Variants in MBOAT2 observed in about 807,000 individuals in gnomAD.
The protein encoded by MBOAT2 is membrane-bound glycerophospholipid O-acyltransferase 2.
In MBOAT2, 28 loss-of-function variants were observed where a neutral mutation model predicts 63.4. The ratio of observed to expected loss-of-function variants is 0.44; its 90% CI spans 0.33 to 0.61. The LOEUF is 0.61. Ranked by LOEUF, MBOAT2 falls within the 20% of genes least tolerant of loss-of-function variation. The pLI is 0.03. For synonymous variants in MBOAT2, 211 were observed against 215.6 expected (o/e 0.98, Z 0.19); for missense variants, 470 against 605.8 (o/e 0.78, Z 2.35).
chr2:8,913,465 G>T (rs760772857), intron 3 of MBOAT2, among the ~76,000 whole-genome samples: 1 of 150,162 alleles, frequency 6.7e-6, no homozygotes, highest in Non-Finnish European at 1.5e-5. Context: ...AATCTACAAC[G>T]AACTCAATCA....
chr2:8,868,972 T>C (rs1662108469), intron 8 of MBOAT2, among the ~76,000 whole-genome samples: 1 of 152,310 alleles, frequency 6.6e-6, no homozygotes, highest in South Asian at 2.1e-4. Context: ...AACAATAATA[T>C]ATAAGTGAGG....
chr2:8,869,547 C>T (rs916027352), intron 8 of MBOAT2, among the ~76,000 whole-genome samples: 5 of 152,142 alleles, frequency 3.3e-5, no homozygotes, highest in African/African-American at 7.2e-5. Context: ...TATACCTATA[C>T]AGACATGTAT....
chr2:8,938,742 T>C (rs1488129988), intron 3 of MBOAT2, among the ~76,000 whole-genome samples: 1 of 151,748 alleles, frequency 6.6e-6, no homozygotes, highest in African/African-American at 2.4e-5. Flanking sequence ...CGTTGTCTCA[T>C]GCCGCCACAT....
chr2:8,883,415 T>G (rs773689716), intron 5 of MBOAT2, among the ~76,000 whole-genome samples: 2 of 152,300 alleles, frequency 1.3e-5, no homozygotes, highest in East Asian at 1.9e-4. Context: ...ATTACAAGTA[T>G]GCAGAAATTT....
chr2:8,947,292 C>T (rs1005106691), intron 2 of MBOAT2, among the ~76,000 whole-genome samples: 1 of 152,156 alleles, frequency 6.6e-6, no homozygotes, highest in Non-Finnish European at 1.5e-5. Context: ...CAGACACTGG[C>T]TCATGATGTT....
At chr2:8,985,609 T>C (rs1164927728) in intron 1 of MBOAT2, among the ~76,000 whole-genome samples, 2 of 152,210 alleles carry the variant, frequency 1.3e-5, no homozygotes, top group Non-Finnish European at 1.5e-5. Context: ...CTGCCCTAGC[T>C]GCTTAGGCCA....
chr2:8,969,425 T>C (rs1217854107), intron 1 of MBOAT2, among the ~76,000 whole-genome samples: 1 of 152,122 alleles, frequency 6.6e-6, no homozygotes, highest in Non-Finnish European at 1.5e-5. Context: ...ACATGCCAAA[T>C]TGTAAAGACC....
Position 8,862,678 on chromosome 2 carries a change from A to G in MBOAT2, c.1097T>C (p.Phe366Ser). The G allele has an allele frequency of 6.2e-7, 1 of 1,614,206 alleles. No homozygotes were observed. Among genetic ancestry groups the G allele is most frequent in the Non-Finnish European group, 8.5e-7 (1 of 1,180,012 alleles). Reference sequence around the variant, plus strand: ...CCCGTGCCAAATGGCAGAGAGAATGAACGTCTGGATAGTTGGACTGAAGGA... The same window carrying G: ...CCCGTGCCAAATGGCAGAGAGAATGGACGTCTGGATAGTTGGACTGAAGGA... The part of the protein sequence containing the change: ...RTSFSPTIQT[F>S]ILSAIWHGVY... The change falls in exon 11 of 13, where the codon TTC becomes TCC. Residue 366 changes from phenylalanine (F) to serine (S), a missense_variant. By Grantham distance (155) the Phe-to-Ser change is radical. Coordinates refer to ENST00000305997, the MANE Select transcript of MBOAT2 (RefSeq NM_138799.4). The surrounding 1 kb of genome is among the most constrained non-coding windows in gnomAD (Gnocchi z 4.3).
intron 6 of MBOAT2, among the ~76,000 whole-genome samples, chr2:8,879,618 C>A (rs976494974): frequency 1.3e-5 from 2 of 152,058 alleles, no homozygotes; most frequent in African/African-American, 4.8e-5. Context: ...GTGGTGGGGT[C>A]CCCTGTGCAG....
At chr2:8,904,740 T>A (rs946526543) in intron 4 of MBOAT2, among the ~76,000 whole-genome samples, 1 of 152,162 alleles carries the variant, frequency 6.6e-6, no homozygotes, top group Non-Finnish European at 1.5e-5. Context: ...TTACTACACA[T>A]TTCATGGTTT....
At chr2:8,877,461 C>A (rs747144115) in intron 6 of MBOAT2, among the ~76,000 whole-genome samples, 10 of 152,190 alleles carry the variant, frequency 6.6e-5, no homozygotes, top group African/African-American at 1.7e-4. Context: ...CACGATGAGA[C>A]AAATCAAAGA....
intron 3 of MBOAT2, among the ~76,000 whole-genome samples, chr2:8,919,142 T>C (rs962243567): frequency 2.6e-5 from 4 of 152,242 alleles, no homozygotes; most frequent in African/African-American, 9.6e-5. Flanking sequence ...ACATTTCGTT[T>C]ATCCTTTCAC....
chr2:8,972,454 A>G (rs1573213084), intron 1 of MBOAT2, among the ~76,000 whole-genome samples: 1 of 152,220 alleles, frequency 6.6e-6, no homozygotes, highest in East Asian at 1.9e-4. Context: ...GGACATAGGC[A>G]TGGGCAAGGA....
intron 1 of MBOAT2, among the ~76,000 whole-genome samples, chr2:9,001,196 T>C (rs527304978): frequency 1.3e-5 from 2 of 152,140 alleles, no homozygotes; most frequent in Non-Finnish European, 2.9e-5. Context: ...ACAGTTAATT[T>C]TTTTTTTAAA....
At chr2:8,940,546 G>A (rs1291712638) in intron 3 of MBOAT2, among the ~76,000 whole-genome samples, 3 of 152,208 alleles carry the variant, frequency 2.0e-5, no homozygotes, top group South Asian at 2.1e-4. Context: ...ACCTGCCTTG[G>A]CCTCCCTAAG....
chr2:8,945,198 C>T (rs1668331094), intron 2 of MBOAT2, among the ~76,000 whole-genome samples: 1 of 152,170 alleles, frequency 6.6e-6, no homozygotes, highest in African/African-American at 2.4e-5. Context: ...CTGTGTAAAC[C>T]TTCGTTGCTG....
At chr2:8,946,551 C>G (rs1668425223) in intron 2 of MBOAT2, among the ~76,000 whole-genome samples, 1 of 152,118 alleles carries the variant, frequency 6.6e-6, no homozygotes. Flanking sequence ...TTGTGGCAAC[C>G]CTGCATCGTG....
At chr2:8,963,754 T>C (rs1669793709) in intron 1 of MBOAT2, among the ~76,000 whole-genome samples, 1 of 152,250 alleles carries the variant, frequency 6.6e-6, no homozygotes. Context: ...ATACATTCAT[T>C]TATTAAATAT....
chr2:8,911,653 C>T (rs1297337481), intron 3 of MBOAT2, among the ~76,000 whole-genome samples: 1 of 152,072 alleles, frequency 6.6e-6, no homozygotes, highest in African/African-American at 2.4e-5. Context: ...CCCTTGAGAA[C>T]TGGTTGTTAA....
Sources: gnomAD v4.1 joint callset for allele counts (sites outside exome capture counted in the v4.1 genomes callset) on GRCh38, gnomAD v4.1.1 for gene constraint, Gnocchi (gnomAD v3.1) non-coding constraint, MANE v1.5 for transcripts, NCBI Gene and HGNC (gene_info 2026-07-23, HGNC 2026-07-21) for gene names.